The following SPTBN2 variants were observed in gnomAD, a reference collection of about 807,000 sequenced individuals.
SPTBN2 encodes the protein spectrin beta, non-erythrocytic 2.
In SPTBN2, 107 loss-of-function variants were observed where a neutral mutation model predicts 284.2. The observed-to-expected ratio is 0.38, with a 90% confidence interval of 0.32 to 0.44. SPTBN2 has a LOEUF of 0.44. Among genes scored for constraint, SPTBN2 ranks in the 20% least tolerant of loss-of-function variants. SPTBN2 has a pLI of 1.00. For synonymous variants in SPTBN2, 1,289 were observed against 1,354.8 expected, an observed-to-expected ratio of 0.95 and a Z score of 1.07; for missense variants, 2,569 against 3,287.1, an observed-to-expected ratio of 0.78 and a Z score of 5.34.
In SPTBN2 at chr11:66,700,562, C is replaced by A. The variant is rs371353182; in HGVS notation, c.3537G>T (p.Arg1179=). The change falls in exon 17 of 38, where the codon CGG becomes CGT. Residue 1179 remains arginine (R), a synonymous_variant. Coordinates refer to ENST00000533211, the MANE Select transcript of SPTBN2 (RefSeq NM_006946.4). This position sits in a 1 kb window ranked among gnomAD's most constrained non-coding sequence, Gnocchi z 6.6. ...AQAHGFQGFL[R]DARQAEGVLS... ...GCACGCCCTCAGCCTGACGAGCATC[C>A]CGCAGGAATCCCTGGAAGCCGTGGG... The A allele has an allele frequency of 2.5e-6, 4 of 1,606,694 alleles. No individual in the cohort carries two copies. The African/African-American group carries it at 5.3e-5, about 21-fold the overall frequency.
intron 1 of SPTBN2, among the ~76,000 whole-genome samples, chr11:66,724,280 G>T (rs1466287727): frequency 2.0e-5 from 3 of 152,156 alleles, no homozygotes; most frequent in African/African-American, 7.2e-5. Context: ...AAAATCAGCT[G>T]GGCATGGTGG....
Position 66,721,213 on chromosome 11 carries a change from A to C in SPTBN2, c.28T>G (p.Phe10Val). 6.2e-7 allele frequency: 1 copy of C among 1,614,142 alleles called. No homozygotes were observed. The highest frequency in any genetic ancestry group is 2.2e-5 in the East Asian group (1 of 44,878). Residue 10 changes from phenylalanine (F) to valine (V), a missense_variant, in exon 3 of 38, where the codon TTT becomes GTT. Coordinates refer to ENST00000533211, the MANE Select transcript of SPTBN2 (RefSeq NM_006946.4). ...TGGCCCTGGATTTCCAAGCTGTCAA[A>C]GTCTGTGGGTGACAGCGTGCTGCTC... MSSTLSPTD[F>V]DSLEIQGQYS...
rs1388728964 is a variant in SPTBN2 at position 66,688,863 on chromosome 11, G to C, written c.6035-14C>G. On this transcript the variant is annotated splice_polypyrimidine_tract_variant and intron_variant, in intron 30 of 37. Coordinates refer to ENST00000533211, the MANE Select transcript of SPTBN2 (RefSeq NM_006946.4). ...GCACCTCCAAAACTGGCAGGATCGG[G>C]GGTTGCAGGAAGATGGTGGGTCAGA... 1 of 1,610,348 alleles carries C rather than the reference G, an allele frequency of 6.2e-7. No individual in the cohort carries two copies. The highest frequency in any genetic ancestry group is 1.1e-5 in the South Asian group (1 of 91,050).
At chr11:66,688,974 G>A (rs1940345613) in intron 30 of SPTBN2, 122 bp downstream of exon 30, 2 of 1,464,710 alleles carry the variant, frequency 1.4e-6, no homozygotes, top group Non-Finnish European at 1.9e-6. Context: ...GTGCCAGGCA[G>A]CACGAAGATT....
intron 29 of SPTBN2, 76 bp from the exon 30 acceptor site, chr11:66,689,256 G>A: frequency 2.8e-6 from 4 of 1,444,008 alleles, no homozygotes; most frequent in South Asian, 1.2e-5. Context: ...AGTCATCCAG[G>A]GGGACAGGTG....
chr11:66,726,156 A>ATT (rs572288249), intron 1 of SPTBN2, among the ~76,000 whole-genome samples: 66 of 152,086 alleles, frequency 4.3e-4, no homozygotes, highest in African/African-American at 1.3e-3. Flanking sequence ...ACTATAATTC[A>ATT]TTTTTTTTGG....
At chr11:66,725,776 G>A (rs1942597918) in intron 1 of SPTBN2, among the ~76,000 whole-genome samples, 1 of 152,190 alleles carries the variant, frequency 6.6e-6, no homozygotes, top group Non-Finnish European at 1.5e-5. Context: ...AGGCGCTGCT[G>A]GAGGCAGACT....
chr11:66,696,783 G>A (rs1940938612), intron 20 of SPTBN2, among the ~76,000 whole-genome samples: 1 of 152,214 alleles, frequency 6.6e-6, no homozygotes, highest in Non-Finnish European at 1.5e-5. Context: ...TTTCAACGAG[G>A]AAGCCCTTGC....
intron 1 of SPTBN2, among the ~76,000 whole-genome samples, chr11:66,738,483 G>T (rs1432421067): frequency 2.2e-4 from 34 of 152,272 alleles, no homozygotes; most frequent in African/African-American, 7.9e-4. Context: ...CTTAACGCCA[G>T]AACAGATGAA....
chr11:66,722,378 T>A (rs566002938), intron 1 of SPTBN2, among the ~76,000 whole-genome samples: 5 of 149,242 alleles, frequency 3.4e-5, no homozygotes, highest in Admixed American at 2.0e-4. Flanking sequence ...ATCGAGACCA[T>A]CCCTGGCTAA....
intron 13 of SPTBN2, among the ~76,000 whole-genome samples, chr11:66,706,492 A>G (rs940659669): frequency 6.6e-6 from 1 of 151,912 alleles, no homozygotes; most frequent in Non-Finnish European, 1.5e-5. Context: ...CACCACACTC[A>G]GCTAATTTTT....
chr11:66,688,636 G>A lies in SPTBN2; in HGVS notation c.6231+17C>T, dbSNP rs754453554. On this transcript the variant is annotated intron_variant, in intron 31 of 37. Coordinates refer to ENST00000533211, the MANE Select transcript of SPTBN2 (RefSeq NM_006946.4). The stretch of plus-strand genomic sequence containing the variant: ...GGAGCAGGTTGGAGTGGGCATCCGG[G>A]GTCCTGTGTCCCTCACCGCAGTAAG... 3 of 1,613,586 alleles carry A rather than the reference G, an allele frequency of 1.9e-6. No individual in the cohort carries two copies. Among genetic ancestry groups the A allele is most frequent in the East Asian group, 4.5e-5 (2 of 44,850 alleles).
At chr11:66,722,378 T>C (rs566002938) in intron 1 of SPTBN2, among the ~76,000 whole-genome samples, 1 of 149,354 alleles carries the variant, frequency 6.7e-6, no homozygotes, top group South Asian at 2.1e-4. Flanking sequence ...ATCGAGACCA[T>C]CCCTGGCTAA....
intron 1 of SPTBN2, among the ~76,000 whole-genome samples, chr11:66,722,894 A>G (rs1942484311): frequency 6.9e-6 from 1 of 144,496 alleles, no homozygotes; most frequent in Non-Finnish European, 1.5e-5. Context: ...TTCTGCCTCA[A>G]AAAAAAAAAA....
rs763847553 is a variant in SPTBN2 at position 66,704,618 on chromosome 11, G to T, written c.2658C>A (p.Asp886Glu). ...CCTACCTCTGCTGCACGACCTCCAG[G>T]TCCTCCAGGCGTTCAGGCAGGGCCA... ...NGLALPERLEDLEVVQQRFET... is the reference protein window; with the variant it reads ...NGLALPERLEELEVVQQRFET... The change falls in exon 15 of 38, where the codon GAC (aspartate) becomes GAA (glutamate). Residue 886 changes from aspartate to glutamate, a missense_variant. Asp to Glu is a conservative substitution (Grantham distance 45). This residue lies in a region of SPTBN2 where 1,012 missense variants were observed against 1,248.9 expected (regional missense o/e 0.81). Coordinates refer to ENST00000533211, the MANE Select transcript of SPTBN2 (RefSeq NM_006946.4). The T allele has an allele frequency of 1.2e-6, 2 of 1,612,150 alleles. No homozygotes were observed. Among genetic ancestry groups the T allele is most frequent in the Admixed American group, 1.7e-5 (1 of 59,976 alleles).
At position 66,742,945 on chromosome 11, in the gene SPTBN2, C is replaced by A. The variant is rs368048325; in HGVS notation, c.-475+1597G>T. Among the ~76,000 whole-genome samples the A allele has an allele frequency of 1.2e-4, 19 of 152,272 alleles. 1 individual carries two copies. The East Asian group carries it at 2.9e-3, about 23-fold the overall frequency. On this transcript the variant is annotated intron_variant, in intron 1 of 37. Coordinates refer to the SPTBN2 transcript ENST00000611817. ...ATATTTTAAAGAACCATCCTCAATA[C>A]CTTGGTTTCTCACCCATAAAATAGT... is the stretch of plus-strand genomic sequence containing the variant.
chr11:66,697,900 A>C (rs797004223), intron 20 of SPTBN2, among the ~76,000 whole-genome samples: 26 of 152,322 alleles, frequency 1.7e-4, no homozygotes, highest in African/African-American at 6.0e-4. Flanking sequence ...GAACGAATGG[A>C]AACACTTGAA....
rs140939152 is a variant in SPTBN2, at chr11:66,689,267, ATTTC to A, written c.5950-91_5950-88del. On this transcript the variant is annotated intron_variant, in intron 29 of 37. Transcript: ENST00000533211. ...GGGGAGTCATCCAGGGGGACAGGTG[ATTTC>A]TTTCTTTCTTTCTTTTTTTTGAGAC... The A allele has an allele frequency of 0.13, 179,876 of 1,334,538 alleles. 14,955 individuals carry two copies. The highest frequency in any genetic ancestry group is 0.15 in the Non-Finnish European group (144,606 of 966,006). 82.7% of individuals were successfully genotyped at this position (1,334,538 alleles called of 1,614,324 possible).
At chr11:66,699,356 T>C in intron 18 of SPTBN2, 50 bp downstream of exon 18, 1 of 1,603,622 alleles carries the variant, frequency 6.2e-7, no homozygotes, top group Non-Finnish European at 8.5e-7. Flanking sequence ...TCACCCTGTT[T>C]CTCCGATTCC....
Sources: allele counts gnomAD v4.1 joint callset (sites outside exome capture counted in the v4.1 genomes callset), GRCh38; gene constraint gnomAD v4.1.1; regional missense constraint gnomAD v4.1.1; non-coding constraint Gnocchi (gnomAD v3.1); transcripts MANE v1.5; gene names NCBI Gene and HGNC (gene_info 2026-07-23, HGNC 2026-07-21).